The following TTLL10 variants were observed in gnomAD, a reference collection of about 807,000 sequenced individuals.
The protein encoded by TTLL10 is inactive polyglycylase TTLL10.
Under a neutral mutation model 69.0 loss-of-function variants are expected in TTLL10, and 61 were observed. That is an observed-to-expected ratio of 0.88 (90% CI 0.72 to 1.09). The LOEUF (loss-of-function observed/expected upper bound fraction) is 1.09. Ranked by LOEUF, TTLL10 falls within the 50% of genes least tolerant of loss-of-function variation. TTLL10 has a pLI of 0.00. For synonymous variants in TTLL10, 408 were observed against 393.3 expected, an observed-to-expected ratio of 1.04 and a Z score of -0.44; for missense variants, 962 against 945.9, an observed-to-expected ratio of 1.02 and a Z score of -0.22.
Position 1,179,205 on chromosome 1 carries a change from C to T in TTLL10, c.-11C>T. The T allele has an allele frequency of 1.3e-6, 2 of 1,528,482 alleles. No homozygotes were observed. Among genetic ancestry groups the T allele is most frequent in the Non-Finnish European group, 1.8e-6 (2 of 1,134,348 alleles). The allele number at this position is 1,528,482 out of a possible 1,614,324, so 94.7% of individuals were successfully genotyped here. A position where few individuals can be genotyped will look rare whatever the true frequency, so the allele number is the denominator to read the frequency against. On this transcript the variant is annotated 5_prime_UTR_variant, in exon 4 of 16. Transcript: ENST00000379289. The stretch of plus-strand genomic sequence containing the variant: ...TCCCTTCAGGGCCCTCGCCCGGGCA[C>T]CCCCCGGCCAATGGACCACAGCTGC...
intron 4 of TTLL10, 141 bp from the exon 5 acceptor site, chr1:1,179,516 G>A (rs1480793778): frequency 7.2e-7 from 1 of 1,395,102 alleles, no homozygotes; most frequent in Non-Finnish European, 9.8e-7. Context: ...AGGCACAGAG[G>A]GGAGCTGTCG....
intron 14 of TTLL10, 138 bp from the exon 15 acceptor site, chr1:1,196,955 A>C (rs1648255651): frequency 1.1e-6 from 1 of 888,912 alleles, no homozygotes; most frequent in African/African-American, 1.7e-5. Flanking sequence ...TCAGAGCTTC[A>C]GTGGACAAAC....
intron 13 of TTLL10, among the ~76,000 whole-genome samples, chr1:1,189,460 C>T (rs1440568377): frequency 2.0e-5 from 3 of 152,124 alleles, no homozygotes; most frequent in Non-Finnish European, 4.4e-5. Flanking sequence ...GGTATAGAAC[C>T]ATTTAAATTT....
intron 3 of TTLL10, among the ~76,000 whole-genome samples, chr1:1,177,544 C>T (rs1362048270): frequency 2.6e-5 from 4 of 152,216 alleles, no homozygotes; most frequent in African/African-American, 4.8e-5. Flanking sequence ...ATCTCCTGAC[C>T]TCATGATCTG....
chr1:1,193,282 G>A (rs1344358701), intron 13 of TTLL10, among the ~76,000 whole-genome samples: 1 of 152,010 alleles, frequency 6.6e-6, no homozygotes, highest in Non-Finnish European at 1.5e-5. Context: ...CCAAGATTGC[G>A]CCATTGCACT....
At chr1:1,195,686 C>A (rs977571485) in intron 13 of TTLL10, among the ~76,000 whole-genome samples, 2 of 151,658 alleles carry the variant, frequency 1.3e-5, no homozygotes, top group Admixed American at 6.6e-5. Context: ...GTCACCCAGG[C>A]TAGAGTGCAG....
rs1472422415 is a variant in TTLL10 at position 1,179,698 on chromosome 1, C to A, written c.160C>A (p.Gln54Lys). 2 of 1,550,710 alleles carry A rather than the reference C, an allele frequency of 1.3e-6. No homozygotes were observed. Among genetic ancestry groups the A allele is most frequent in the African/African-American group, 1.4e-5 (1 of 73,054 alleles). The part of the protein sequence containing the change: ...ASRLHPAPAS[Q>K]PGPCPAPGHC... ...ACGTCTGCACCCAGCACCGGCCTCA[C>A]AGCCCGGCCCCTGCCCTGCACCAGG... The change falls in exon 5 of 16, where the codon CAG becomes AAG. Residue 54 changes from glutamine to lysine, a missense_variant. By Grantham distance (53) the Gln-to-Lys change is moderately conservative. Coordinates refer to ENST00000379289, the MANE Select transcript of TTLL10 (RefSeq NM_001130045.2).
chr1:1,197,371 ACCCTC>A, intron 15 of TTLL10, 62 bp from the exon 16 acceptor site: 5 of 278,730 alleles, frequency 1.8e-5, no homozygotes, highest in Non-Finnish European at 3.2e-5. Flanking sequence ...CACCCCTCAC[ACCCTC>A]CCCACCCCCT....
At chr1:1,191,676 G>A (rs1647793761) in intron 13 of TTLL10, among the ~76,000 whole-genome samples, 1 of 152,208 alleles carries the variant, frequency 6.6e-6, no homozygotes, top group Non-Finnish European at 1.5e-5. Flanking sequence ...ATACAGAGGT[G>A]TGAAGTGGGA....
chr1:1,196,028 A>C (rs559466318), intron 13 of TTLL10, among the ~76,000 whole-genome samples: 2 of 152,190 alleles, frequency 1.3e-5, no homozygotes, highest in Admixed American at 1.3e-4. Context: ...CTCCTGCCTC[A>C]GCCTCCCAAA....
chr1:1,184,004 G>A lies in TTLL10; in HGVS notation c.1173G>A (p.Met391Ile). ...YLLIACTTPYMIFFGHGYARL... is the reference protein window; with the variant it reads ...YLLIACTTPYIIFFGHGYARL... Reference sequence around the variant, plus strand: ...TCATTGCCTGCACCACACCCTACATGATCTTCTTTGGCCACGGCTATGCTC... The same window carrying A: ...TCATTGCCTGCACCACACCCTACATAATCTTCTTTGGCCACGGCTATGCTC... The change falls in exon 12 of 16, where the codon ATG (methionine) becomes ATA (isoleucine). Residue 391 changes from methionine (M) to isoleucine (I), a missense_variant. Met to Ile is a conservative substitution (Grantham distance 10, BLOSUM62 1). Transcript: ENST00000379289. The A allele has an allele frequency of 2.5e-6, 4 of 1,614,216 alleles. No homozygotes were observed. Among genetic ancestry groups the A allele is most frequent in the East Asian group, 2.2e-5 (1 of 44,890 alleles).
chr1:1,186,525 A>G (rs371289225), intron 13 of TTLL10, among the ~76,000 whole-genome samples: 3 of 152,326 alleles, frequency 2.0e-5, no homozygotes. Context: ...GTATGAATAT[A>G]TATTTTCAGT....
intron 13 of TTLL10, among the ~76,000 whole-genome samples, chr1:1,188,734 A>C (rs184153949): frequency 1.5e-3 from 224 of 152,218 alleles, no homozygotes; most frequent in African/African-American, 4.9e-3. Flanking sequence ...CATTGCATTG[A>C]ATCTGTAAGT....
chr1:1,180,852 C>A lies in TTLL10; in HGVS notation c.747C>A (p.Val249=), dbSNP rs1332595528. ...AGGCCAGCAAGGTGCCGGGGGGGGT[C>A]CAGGCCAGGTGAGTCTGCCCCTGCC... ...MSKASKVPGG[V]QARLEKDAAA... Residue 249 remains valine (V), a synonymous_variant, in exon 8 of 16, where the codon GTC becomes GTA. Transcript: ENST00000379289. 2 of 1,569,376 alleles carry A rather than the reference C, an allele frequency of 1.3e-6. No homozygotes were observed. Among genetic ancestry groups the A allele is most frequent in the Non-Finnish European group, 1.7e-6 (2 of 1,158,070 alleles).
chr1:1,175,476 T>A, intron 3 of TTLL10: 2 of 361,540 alleles, frequency 5.5e-6, no homozygotes, highest in Non-Finnish European at 5.5e-6. Flanking sequence ...CCGGCACGAA[T>A]GATGTTTGGG....
chr1:1,184,035 A>G lies in TTLL10; in HGVS notation c.1204A>G (p.Thr402Ala), dbSNP rs1570422219. ...IFFGHGYARL[T>A]LSLYDPHSSD... ...CTTTGGCCACGGCTATGCTCGCCTC[A>G]CCCTTAGCCTTTACGACCCCCATTC... The change falls in exon 12 of 16, where the codon ACC (threonine) becomes GCC (alanine). Residue 402 changes from threonine (T) to alanine (A), a missense_variant. Physicochemically the swap from Thr to Ala is moderately conservative, Grantham distance 58. Transcript: ENST00000379289. 2 of 1,614,092 alleles carry G rather than the reference A, an allele frequency of 1.2e-6. No individual in the cohort carries two copies. The highest frequency in any genetic ancestry group is 4.5e-5 in the East Asian group (2 of 44,874).
intron 12 of TTLL10, among the ~76,000 whole-genome samples, 186 bp downstream of exon 12, chr1:1,184,277 G>C (rs4560982): frequency 0.54 from 82,073 of 152,132 alleles, 26,900 homozygotes; most frequent in East Asian, 0.9. Flanking sequence ...CTCACCTCCC[G>C]CTTTTGGCCA....
chr1:1,178,288 A>G (rs1000034101), intron 3 of TTLL10, among the ~76,000 whole-genome samples: 10 of 152,102 alleles, frequency 6.6e-5, no homozygotes, highest in Non-Finnish European at 1.0e-4. Flanking sequence ...AGCCGGGCAC[A>G]GTGGCTCACA....
chr1:1,196,840 G>A, intron 14 of TTLL10, 124 bp downstream of exon 14: 3 of 805,678 alleles, frequency 3.7e-6, no homozygotes, highest in Admixed American at 2.1e-5. Context: ...CTGCCTGCAT[G>A]CAGCCCTGGG....
Sources: gnomAD v4.1 joint callset for allele counts (sites outside exome capture counted in the v4.1 genomes callset) on GRCh38, gnomAD v4.1.1 for gene constraint, MANE v1.5 for transcripts, NCBI Gene and HGNC (gene_info 2026-07-23, HGNC 2026-07-21) for gene names.